TSN: variants seen among roughly 807,000 people sequenced by gnomAD.
The protein encoded by TSN is translin.
TSN carries 5 observed loss-of-function variants against 29.4 expected under a neutral mutation model. The ratio of observed to expected loss-of-function variants is 0.17; its 90% CI spans 0.09 to 0.36. The LOEUF is 0.36. Ranked by LOEUF, TSN falls within the 10% of genes least tolerant of loss-of-function variation. The pLI is 1.00. For missense variants in TSN, 159 were observed against 272.8 expected (o/e 0.58, Z 2.94); for synonymous variants, 106 against 102.2 (o/e 1.04, Z -0.23).
Position 121,755,709 on chromosome 2 carries a change from G to A in TSN, c.-71G>A, listed in dbSNP as rs933444587. On this transcript the variant is annotated 5_prime_UTR_variant, in exon 1 of 6. Coordinates refer to ENST00000389682, the MANE Select transcript of TSN (RefSeq NM_004622.3). ...AGCGGCGGCCGTTGCGATTGATTGC[G>A]CTGGTTGCCTGCGGCGTCCACTTCC... 1.3e-6 allele frequency: 2 copies of A among 1,590,360 alleles called. No homozygotes were observed. Among genetic ancestry groups the A allele is most frequent in the South Asian group, 2.2e-5 (2 of 90,724 alleles).
At position 121,755,698 on chromosome 2, in the gene TSN, C is replaced by A. The variant is rs28384431; in HGVS notation, c.-82C>A. ...GACGCGGCGGTAGCGGCGGCCGTTG[C>A]GATTGATTGCGCTGGTTGCCTGCGG... On this transcript the variant is annotated 5_prime_UTR_variant, in exon 1 of 6. Coordinates refer to ENST00000389682, the MANE Select transcript of TSN (RefSeq NM_004622.3). 2.5e-4 allele frequency: 399 copies of A among 1,568,494 alleles called. 3 individuals carry two copies. In the East Asian group the frequency reaches 8.7e-3, roughly 34 times the overall value.
intron 1 of TSN, among the ~76,000 whole-genome samples, chr2:121,756,869 A>C (rs2074756941): frequency 6.6e-6 from 1 of 151,480 alleles, no homozygotes; most frequent in Non-Finnish European, 1.5e-5. Flanking sequence ...AGATCGCGCC[A>C]CTGCACTCCA....
chr2:121,759,847 C>T (rs1354864944), intron 3 of TSN, among the ~76,000 whole-genome samples: 2 of 152,184 alleles, frequency 1.3e-5, no homozygotes, highest in African/African-American at 4.8e-5. Flanking sequence ...CCACTAGTGG[C>T]TGCTGCCTCT....
At chr2:121,760,391 G>C (rs2074808190) in intron 3 of TSN, among the ~76,000 whole-genome samples, 2 of 152,202 alleles carry the variant, frequency 1.3e-5, no homozygotes, top group African/African-American at 4.8e-5. Context: ...TGTTGTAATA[G>C]CTGAAGCACA....
intron 3 of TSN, among the ~76,000 whole-genome samples, chr2:121,760,579 A>G (rs575123627): frequency 2.0e-4 from 30 of 152,304 alleles, no homozygotes; most frequent in African/African-American, 7.2e-4. Flanking sequence ...CATTGCATAA[A>G]TATCCACAGG....
At position 121,765,473 on chromosome 2, in the gene TSN, G is replaced by C; in HGVS notation, c.*106G>C. ...AGGATGCTCAGTTGCTAAACACTGC[G>C]CTTTATTTTCTTAACCAGTTGTGGT... On this transcript the variant is annotated 3_prime_UTR_variant, in exon 6 of 6. Transcript: ENST00000389682. 1.5e-5 allele frequency: 15 copies of C among 1,025,918 alleles called. No homozygotes were observed. The highest frequency in any genetic ancestry group is 2.2e-5 in the Non-Finnish European group (15 of 692,642). 63.6% of individuals were successfully genotyped at this position (1,025,918 alleles called of 1,614,324 possible). A position where few individuals can be genotyped will look rare whatever the true frequency, so the allele number is the denominator to read the frequency against.
chr2:121,755,716 G>A lies in TSN; in HGVS notation c.-64G>A, dbSNP rs2074734885. The A allele has an allele frequency of 6.3e-7, 1 of 1,599,392 alleles. No homozygotes were observed. Among genetic ancestry groups the A allele is most frequent in the Non-Finnish European group, 8.5e-7 (1 of 1,173,586 alleles). ...GCCGTTGCGATTGATTGCGCTGGTT[G>A]CCTGCGGCGTCCACTTCCTTGGCCG... On this transcript the variant is annotated 5_prime_UTR_variant, in exon 1 of 6. Coordinates refer to ENST00000389682, the MANE Select transcript of TSN (RefSeq NM_004622.3).
At chr2:121,756,555 G>A in intron 1 of TSN, 5 of 1,030,592 alleles carry the variant, frequency 4.9e-6, no homozygotes, top group Non-Finnish European at 6.7e-6. Context: ...TGTGTGCTTG[G>A]TTCCCCGGTA....
intron 3 of TSN, among the ~76,000 whole-genome samples, chr2:121,760,231 C>T (rs548137484): frequency 1.3e-5 from 2 of 152,276 alleles, no homozygotes; most frequent in East Asian, 1.9e-4. Flanking sequence ...ACTGTGCATG[C>T]GAGGGATCTA....
rs930130444 is a variant in TSN, at chr2:121,767,519, G to A, written c.*2152G>A. 1 of 151,990 alleles carries A rather than the reference G, an allele frequency of 6.6e-6. No homozygotes were observed. Among genetic ancestry groups the A allele is most frequent in the African/African-American group, 2.4e-5 (1 of 41,386 alleles). 9.4% of individuals were successfully genotyped at this position (151,990 alleles called of 1,614,324 possible). A position where few individuals can be genotyped will look rare whatever the true frequency, so the allele number is the denominator to read the frequency against. On this transcript the variant is annotated 3_prime_UTR_variant, in exon 6 of 6. Coordinates refer to ENST00000389682, the MANE Select transcript of TSN (RefSeq NM_004622.3). ...TTTAACTGAAGATGTTGAGAAACCT[G>A]GGCTCTGGTTTTAGTATACCGGAAT... is the stretch of plus-strand genomic sequence containing the variant.
intron 5 of TSN, 75 bp from the exon 6 acceptor site, chr2:121,765,059 G>T: frequency 7.1e-7 from 1 of 1,415,444 alleles, no homozygotes. Flanking sequence ...GGTTCTTCTG[G>T]TTGTGATTCA....
chr2:121,764,894 TAAGAAATTA>T (rs1392750578), intron 5 of TSN, among the ~76,000 whole-genome samples: 1 of 152,248 alleles, frequency 6.6e-6, no homozygotes, highest in African/African-American at 2.4e-5. Context: ...ATAGCCAGTT[TAAGAAATTA>T]GAGAAATTTT....
At chr2:121,758,645 T>G in intron 2 of TSN, 65 bp from the exon 3 acceptor site, 1 of 1,200,556 alleles carries the variant, frequency 8.3e-7, no homozygotes, top group Non-Finnish European at 1.1e-6. Context: ...ATTACTTAGA[T>G]TATTAAGCAA....
rs1487318339 is a variant in TSN, at chr2:121,767,004, C to G, written c.*1637C>G. The G allele has an allele frequency of 6.6e-6, 1 of 152,188 alleles. No individual in the cohort carries two copies. Among genetic ancestry groups the G allele is most frequent in the Non-Finnish European group, 1.5e-5 (1 of 68,034 alleles). 9.4% of individuals were successfully genotyped at this position (152,188 alleles called of 1,614,324 possible). Reference sequence around the variant, plus strand: ...GGTCACTTAAAATGTGCAGTAATAGCACTGCCAGGATCAAGCATGAAAGGC... The same window carrying G: ...GGTCACTTAAAATGTGCAGTAATAGGACTGCCAGGATCAAGCATGAAAGGC... On this transcript the variant is annotated 3_prime_UTR_variant, in exon 6 of 6. Transcript: ENST00000389682.
At position 121,767,381 on chromosome 2, in the gene TSN, A is replaced by G. The variant is rs997684893; in HGVS notation, c.*2014A>G. On this transcript the variant is annotated 3_prime_UTR_variant, in exon 6 of 6. Transcript: ENST00000389682. Reference sequence around the variant, plus strand: ...TAAAGAAGACCGGGGTGACAAGCAGATACTGCTGTGTAATGGTTACACTAA... The same window carrying G: ...TAAAGAAGACCGGGGTGACAAGCAGGTACTGCTGTGTAATGGTTACACTAA... 1.3e-5 allele frequency: 2 copies of G among 152,180 alleles called. No individual in the cohort carries two copies. Among genetic ancestry groups the G allele is most frequent in the African/African-American group, 4.8e-5 (2 of 41,456 alleles). The allele number at this position is 152,180 out of a possible 1,614,324, so 9.4% of individuals were successfully genotyped here.
rs1446142168 is a variant in TSN at position 121,755,822 on chromosome 2, G to T, written c.43G>T (p.Ala15Ser). 6.2e-7 allele frequency: 1 copy of T among 1,614,066 alleles called. No homozygotes were observed. The highest frequency in any genetic ancestry group is 1.7e-5 in the Admixed American group (1 of 60,026). Residue 15 changes from alanine (A) to serine (S), a missense_variant, in exon 1 of 6, where the codon GCT becomes TCT. Coordinates refer to ENST00000389682, the MANE Select transcript of TSN (RefSeq NM_004622.3). ...CTTCGTGGAGCTGCAGGGCTTTTTG[G>T]CTGCCGAGCAGGACATCCGAGAGGC... ...EIFVELQGFL[A>S]AEQDIREEIR...
Position 121,763,231 on chromosome 2 carries a change from C to T in TSN, c.453+147C>T, listed in dbSNP as rs2074855794. On this transcript the variant is annotated intron_variant, in intron 5 of 5. Coordinates refer to ENST00000389682, the MANE Select transcript of TSN (RefSeq NM_004622.3). ...AATCTCGGCTCACTGCAAGCTCCGC[C>T]TCCCGAGTTCATGCCATTCTCCTGC... 5.5e-6 allele frequency: 3 copies of T among 547,576 alleles called. No individual in the cohort carries two copies. In the East Asian group the frequency reaches 1.1e-4, roughly 19 times the overall value. 33.9% of individuals were successfully genotyped at this position (547,576 alleles called of 1,614,324 possible).
In TSN at chr2:121,766,778, A is replaced by G. The variant is rs922955033; in HGVS notation, c.*1411A>G. ...GTCACCTTTTCTTGCCTGATCAACA[A>G]TTTGGGCTTCCTGTTTGTACAAGGG... On this transcript the variant is annotated 3_prime_UTR_variant, in exon 6 of 6. Transcript: ENST00000389682. The G allele has an allele frequency of 1.3e-5, 2 of 152,192 alleles. No individual in the cohort carries two copies. The highest frequency in any genetic ancestry group is 2.9e-5 in the Non-Finnish European group (2 of 68,032). The allele number at this position is 152,192 out of a possible 1,614,324, so 9.4% of individuals were successfully genotyped here. A position where few individuals can be genotyped will look rare whatever the true frequency, so the allele number is the denominator to read the frequency against.
intron 4 of TSN, among the ~76,000 whole-genome samples, chr2:121,762,025 T>A (rs2074837725): frequency 6.7e-6 from 1 of 148,436 alleles, no homozygotes; most frequent in Non-Finnish European, 1.5e-5. Context: ...GGAGTTTTGC[T>A]CTTGTTGCCC....
Sources: allele counts gnomAD v4.1 joint callset (sites outside exome capture counted in the v4.1 genomes callset), GRCh38; gene constraint gnomAD v4.1.1; transcripts MANE v1.5; gene names NCBI Gene and HGNC (gene_info 2026-07-23, HGNC 2026-07-21).